The following MYOM2 variants were observed in gnomAD, a reference collection of about 807,000 sequenced individuals.
The protein encoded by MYOM2 is myomesin-2.
MYOM2 carries 254 observed loss-of-function variants against 187.6 expected under a neutral mutation model. The ratio of observed to expected loss-of-function variants is 1.35; its 90% CI spans 1.22 to 1.50. The LOEUF is 1.50. Ranked by LOEUF, MYOM2 falls within the 40% of genes most tolerant of loss-of-function variation. The pLI, the probability that MYOM2 is intolerant of heterozygous loss-of-function variation, is 0.00. For synonymous variants in MYOM2, 981 were observed against 753.8 expected, an observed-to-expected ratio of 1.30 and a Z score of -4.94; for missense variants, 2,796 against 1,924.0, an observed-to-expected ratio of 1.45 and a Z score of -8.48.
At chr8:2,057,838 G>C in intron 5 of MYOM2, 58 bp downstream of exon 5, 1 of 1,577,710 alleles carries the variant, frequency 6.3e-7, no homozygotes, top group South Asian at 1.2e-5. Context: ...CTTTCAGAAA[G>C]ACCCCAGTTA....
At chr8:2,060,882 G>T (rs1238583577) in intron 6 of MYOM2, among the ~76,000 whole-genome samples, 1 of 152,138 alleles carries the variant, frequency 6.6e-6, no homozygotes, top group African/African-American at 2.4e-5. Context: ...GAGAAACCGG[G>T]CTCAGCTCTG....
intron 10 of MYOM2, among the ~76,000 whole-genome samples, chr8:2,075,485 G>T (rs1819385971): frequency 6.6e-6 from 1 of 152,200 alleles, no homozygotes; most frequent in Admixed American, 6.5e-5. Flanking sequence ...AGATATGTGA[G>T]CAGGAAACTG....
chr8:2,134,502 C>A, intron 32 of MYOM2, among the ~76,000 whole-genome samples: 1 of 144,524 alleles, frequency 6.9e-6, no homozygotes, highest in Admixed American at 7.0e-5. Flanking sequence ...AGTCTCTTGT[C>A]CCTCCGCAGA....
intron 13 of MYOM2, among the ~76,000 whole-genome samples, chr8:2,083,447 G>T (rs1210125757): frequency 6.8e-6 from 1 of 147,390 alleles, no homozygotes; most frequent in African/African-American, 2.5e-5. Flanking sequence ...TGTGCTTAGC[G>T]GCATCTCGCA....
At position 2,083,503 on chromosome 8, in the gene MYOM2, G is replaced by C. The variant is rs145836824; in HGVS notation, c.1517-1760G>C. The stretch of plus-strand genomic sequence containing the variant: ...ATATGTCTAATGGCATCTCATGTGT[G>C]ACTAGCAGCATCTCACGTGTGCTTA... On this transcript the variant is annotated intron_variant, in intron 13 of 36. Coordinates refer to ENST00000262113, the MANE Select transcript of MYOM2 (RefSeq NM_003970.4). Among the ~76,000 whole-genome samples the C allele has an allele frequency of 4.6e-5, 7 of 152,318 alleles. No individual in the cohort carries two copies. In the East Asian group the frequency reaches 1.4e-3, roughly 29 times the overall value.
intron 28 of MYOM2, among the ~76,000 whole-genome samples, chr8:2,120,367 C>T (rs1268696290): frequency 6.6e-6 from 1 of 151,752 alleles, no homozygotes; most frequent in African/African-American, 2.4e-5. Flanking sequence ...CACTTGGCCA[C>T]CTCAGCGGGG....
intron 26 of MYOM2, 32 bp downstream of exon 26, chr8:2,116,136 C>T (rs200422614): frequency 1.3e-5 from 21 of 1,603,200 alleles, no homozygotes; most frequent in Admixed American, 1.7e-5. Flanking sequence ...CACGTCCATA[C>T]AAGATAATTC....
At chr8:2,132,091 A>T (rs886174080) in intron 32 of MYOM2, among the ~76,000 whole-genome samples, 2 of 152,230 alleles carry the variant, frequency 1.3e-5, no homozygotes, top group Admixed American at 6.5e-5. Context: ...CTTATTAGAT[A>T]GCAACTGGAA....
At chr8:2,064,547 G>C (rs929756581) in intron 6 of MYOM2, among the ~76,000 whole-genome samples, 2 of 152,164 alleles carry the variant, frequency 1.3e-5, no homozygotes, top group South Asian at 4.1e-4. Context: ...CAGTCGCTGC[G>C]GGAGGCCAAG....
In MYOM2 at chr8:2,101,032, C is replaced by A; in HGVS notation, c.2597C>A (p.Thr866Lys). 6.2e-7 allele frequency: 1 copy of A among 1,614,048 alleles called. No homozygotes were observed. The highest frequency in any genetic ancestry group is 1.3e-5 in the African/African-American group (1 of 75,034). The change falls in exon 20 of 37, where the codon ACA becomes AAA. Residue 866 changes from threonine (T) to lysine (K), a missense_variant. Coordinates refer to ENST00000262113, the MANE Select transcript of MYOM2 (RefSeq NM_003970.4). ...AGEWITVNQT[T>K]TASRYLKVSD... ...GAGTGGATCACTGTCAATCAGACGA[C>A]AACAGCCAGCCGTTATTTAAAGGTA...
At position 2,144,751 on chromosome 8, in the gene MYOM2, C is replaced by A. The variant is rs997976118; in HGVS notation, c.4168C>A (p.His1390Asn). 1.9e-6 allele frequency: 3 copies of A among 1,614,162 alleles called. No homozygotes were observed. Among genetic ancestry groups the A allele is most frequent in the Middle Eastern group, 1.6e-4 (1 of 6,062 alleles). ...KNDQDIQLSE[H>N]FSVKVEQAKY... is the part of the protein sequence containing the mutation. ...CGACCAGGACATCCAGCTCAGCGAG[C>A]ACTTCTCGGTGAAGGTGGAGCAGGC... The change falls in exon 37 of 37, where the codon CAC (histidine) becomes AAC (asparagine). Residue 1390 changes from histidine to asparagine, a missense_variant. Coordinates refer to ENST00000262113, the MANE Select transcript of MYOM2 (RefSeq NM_003970.4).
chr8:2,054,269 G>T (rs577190479), intron 3 of MYOM2, among the ~76,000 whole-genome samples: 1 of 152,264 alleles, frequency 6.6e-6, no homozygotes, highest in South Asian at 2.1e-4. Context: ...AGACATTGGC[G>T]CTCTGAAGGC....
At chr8:2,142,440 G>T (rs1164385424) in intron 35 of MYOM2, 43 bp downstream of exon 35, 1 of 1,605,226 alleles carries the variant, frequency 6.2e-7, no homozygotes, top group East Asian at 2.2e-5. Flanking sequence ...GAATTATTTG[G>T]GGTGGGGCAA....
chr8:2,101,502 G>C (rs539214068), intron 20 of MYOM2, among the ~76,000 whole-genome samples: 1 of 152,210 alleles, frequency 6.6e-6, no homozygotes, highest in Non-Finnish European at 1.5e-5. Flanking sequence ...TCAGATGACC[G>C]GGGCGTGGCT....
chr8:2,123,333 G>C lies in MYOM2; in HGVS notation c.3535G>C (p.Glu1179Gln), dbSNP rs758582096. The change falls in exon 29 of 37, where the codon GAG becomes CAG. Residue 1179 changes from glutamate to glutamine, a missense_variant. Transcript: ENST00000262113. ...TGAAACGGAGACACTGCCTAACCTG[G>C]AGAGGGGAATCTGTGAGCTCCTCAT... ...LYETETLPNL[E>Q]RGICELLIPK... The C allele has an allele frequency of 6.8e-6, 11 of 1,613,926 alleles. No individual in the cohort carries two copies. The highest frequency in any genetic ancestry group is 1.7e-5 in the Admixed American group (1 of 60,016).
intron 14 of MYOM2, among the ~76,000 whole-genome samples, chr8:2,086,624 A>C (rs1353821734): frequency 6.6e-6 from 1 of 152,236 alleles, no homozygotes; most frequent in African/African-American, 2.4e-5. Flanking sequence ...GGCTGTGGTC[A>C]CACGGCAGCA....
At position 2,140,912 on chromosome 8, in the gene MYOM2, A is replaced by T. The variant is rs760680877; in HGVS notation, c.3964+26A>T. On this transcript the variant is annotated intron_variant, in intron 33 of 36. Transcript: ENST00000262113. Reference sequence around the variant, plus strand: ...GTAAGAGAATTCTTCTTTAGCATTTAATAATTTCCTATTTAGAAATCCATT... The same window carrying T: ...GTAAGAGAATTCTTCTTTAGCATTTTATAATTTCCTATTTAGAAATCCATT... 6 of 1,577,778 alleles carry T rather than the reference A, an allele frequency of 3.8e-6. No individual in the cohort carries two copies. In the African/African-American group the frequency reaches 8.1e-5, roughly 21 times the overall value.
chr8:2,061,744 C>T (rs1033666517), intron 6 of MYOM2, among the ~76,000 whole-genome samples: 12 of 152,242 alleles, frequency 7.9e-5, no homozygotes, highest in Non-Finnish European at 1.3e-4. Context: ...TTGAAATTTG[C>T]AGGGCATCCT....
intron 17 of MYOM2, 93 bp downstream of exon 17, chr8:2,094,184 T>C (rs1796403636): frequency 1.0e-5 from 15 of 1,497,338 alleles, no homozygotes; most frequent in African/African-American, 1.4e-5. Context: ...GGAATGTCAT[T>C]GAAGGGGAAA....
Sources: gnomAD v4.1 joint callset for allele counts (sites outside exome capture counted in the v4.1 genomes callset) on GRCh38, gnomAD v4.1.1 for gene constraint, MANE v1.5 for transcripts, NCBI Gene and HGNC (gene_info 2026-07-23, HGNC 2026-07-21) for gene names.